Variants in GABRB3 observed in about 807,000 individuals in gnomAD.
The protein encoded by GABRB3 is gamma-aminobutyric acid type A receptor subunit beta3.
In GABRB3, 14 loss-of-function variants were observed where a neutral mutation model predicts 52.1. That is an observed-to-expected ratio of 0.27 (90% CI 0.18 to 0.42). The LOEUF (loss-of-function observed/expected upper bound fraction) is 0.42. Ranked by LOEUF, GABRB3 falls within the 10% of genes least tolerant of loss-of-function variation. GABRB3 has a pLI of 1.00. For synonymous variants in GABRB3, 260 were observed against 232.3 expected, an observed-to-expected ratio of 1.12 and a Z score of -1.08; for missense variants, 307 against 609.1, an observed-to-expected ratio of 0.50 and a Z score of 5.22.
intron 3 of GABRB3, among the ~76,000 whole-genome samples, chr15:26,765,087 G>T (rs1052014609): frequency 7.4e-6 from 1 of 134,750 alleles, no homozygotes; most frequent in Admixed American, 8.5e-5. Flanking sequence ...CCGACATCAC[G>T]CCACTGCACT....
intron 4 of GABRB3, among the ~76,000 whole-genome samples, chr15:26,598,410 C>G (rs1891471837): frequency 6.6e-6 from 1 of 152,042 alleles, no homozygotes. Flanking sequence ...CAGACTACAC[C>G]TTCACCCCTC....
At chr15:26,674,937 A>T (rs1048284559) in intron 3 of GABRB3, among the ~76,000 whole-genome samples, 3 of 152,198 alleles carry the variant, frequency 2.0e-5, no homozygotes, top group African/African-American at 7.2e-5. Context: ...CAAGGTAATA[A>T]CATATCAAAT....
intron 3 of GABRB3, among the ~76,000 whole-genome samples, chr15:26,727,265 A>G (rs552967514): frequency 6.6e-6 from 1 of 152,272 alleles, no homozygotes; most frequent in African/African-American, 2.4e-5. Context: ...AATTCCATCA[A>G]CCTCTACAGT....
At chr15:26,611,962 C>T (rs1437920446) in intron 4 of GABRB3, 1 of 152,184 alleles carries the variant, frequency 6.6e-6, no homozygotes, top group African/African-American at 2.4e-5. Flanking sequence ...TCACACTGTA[C>T]TTGCTCCTCT....
rs570468160 is a variant in GABRB3 at position 26,608,365 on chromosome 15, CAT to C, written c.461+12947_461+12948del. Among the ~76,000 whole-genome samples, 809 of 151,960 alleles carry C rather than the reference CAT, an allele frequency of 5.3e-3. 5 individuals are homozygous for C. The highest frequency in any genetic ancestry group is 0.018 in the African/African-American group (752 of 41,486). Reference sequence around the variant, plus strand: ...CAACTGTTAAATTACTAAAAGAAAACATAGGGGGAAAACTACATGACATTATG... The same window carrying C: ...CAACTGTTAAATTACTAAAAGAAAACAGGGGGAAAACTACATGACATTATG... On this transcript the variant is annotated intron_variant, in intron 4 of 8. Transcript: ENST00000311550.
At chr15:26,563,021 G>A (rs1890045468) in intron 7 of GABRB3, among the ~76,000 whole-genome samples, 1 of 152,182 alleles carries the variant, frequency 6.6e-6, no homozygotes, top group African/African-American at 2.4e-5. Context: ...CCACATAAAT[G>A]CTACAAAATT....
chr15:26,727,523 C>A (rs2140146579), intron 3 of GABRB3, among the ~76,000 whole-genome samples: 1 of 152,272 alleles, frequency 6.6e-6, no homozygotes, highest in East Asian at 1.9e-4. Flanking sequence ...TTCTTACTTT[C>A]TGATACTAAA....
At chr15:26,549,273 G>C (rs1485591391) in intron 8 of GABRB3, among the ~76,000 whole-genome samples, 1 of 152,184 alleles carries the variant, frequency 6.6e-6, no homozygotes, top group Admixed American at 6.5e-5. Flanking sequence ...GAGGTGGTGA[G>C]AGGAGTCCTG....
At chr15:26,662,394 C>T (rs984709129) in intron 3 of GABRB3, among the ~76,000 whole-genome samples, 1 of 152,180 alleles carries the variant, frequency 6.6e-6, no homozygotes, top group Non-Finnish European at 1.5e-5. Flanking sequence ...CCCTCCCTTC[C>T]ATAGACACAT....
At chr15:26,664,996 T>C (rs1214725606) in intron 3 of GABRB3, among the ~76,000 whole-genome samples, 3 of 152,128 alleles carry the variant, frequency 2.0e-5, no homozygotes, top group Non-Finnish European at 4.4e-5. Context: ...GCCCTTATCA[T>C]TTCTTTGGGT....
chr15:26,603,288 C>T (rs1891654844), intron 4 of GABRB3, among the ~76,000 whole-genome samples: 1 of 151,920 alleles, frequency 6.6e-6, no homozygotes, highest in Admixed American at 6.6e-5. Flanking sequence ...TAAAGAAAAG[C>T]CTGGGACCCA....
At chr15:26,663,061 G>T (rs192673115) in intron 3 of GABRB3, among the ~76,000 whole-genome samples, 14 of 144,184 alleles carry the variant, frequency 9.7e-5, no homozygotes, top group African/African-American at 3.8e-4. Context: ...AGATGTAAAC[G>T]TGTGTGTGTG....
chr15:26,769,555 G>C (rs1170343499), intron 3 of GABRB3, among the ~76,000 whole-genome samples: 1 of 152,016 alleles, frequency 6.6e-6, no homozygotes, highest in Non-Finnish European at 1.5e-5. Flanking sequence ...TTCCAACTTC[G>C]TCTCTGGAAT....
chr15:26,588,769 C>T (rs114809853), intron 4 of GABRB3, among the ~76,000 whole-genome samples: 2 of 151,980 alleles, frequency 1.3e-5, no homozygotes, highest in East Asian at 1.9e-4. Flanking sequence ...GAGTAAATGC[C>T]GAAAATAAAT....
At chr15:26,651,568 T>G (rs771871635) in intron 3 of GABRB3, among the ~76,000 whole-genome samples, 1 of 152,208 alleles carries the variant, frequency 6.6e-6, no homozygotes, top group Admixed American at 6.5e-5. Flanking sequence ...GCTAAGATAA[T>G]GCTAAGAAGA....
chr15:26,773,609 C>A, upstream of GABRB3: 1 of 1,521,108 alleles, frequency 6.6e-7, no homozygotes, highest in Non-Finnish European at 8.9e-7. Flanking sequence ...CGCCTCCCGA[C>A]GGTGCCTGCA....
intron 6 of GABRB3, among the ~76,000 whole-genome samples, chr15:26,575,486 C>T (rs1890563137): frequency 6.6e-6 from 1 of 152,078 alleles, no homozygotes; most frequent in African/African-American, 2.4e-5. Flanking sequence ...GATGGTAATT[C>T]TTCCTTTTAA....
Position 26,621,277 on chromosome 15 carries a change from T to C in GABRB3, c.461+37A>G, listed in dbSNP as rs778997568. ...TGAGATATTCAACACCCATGCACCA[T>C]GCAACAGCAAAATTGGTCCTGAAGA... On this transcript the variant is annotated intron_variant, in intron 4 of 8. Coordinates refer to ENST00000311550, the MANE Select transcript of GABRB3 (RefSeq NM_000814.6). The surrounding 1 kb of genome is among the most constrained non-coding windows in gnomAD (Gnocchi z 4.1). 4.6e-6 allele frequency: 7 copies of C among 1,530,380 alleles called. No homozygotes were observed. Among genetic ancestry groups the C allele is most frequent in the South Asian group, 4.5e-5 (4 of 89,304 alleles). 94.8% of individuals were successfully genotyped at this position (1,530,380 alleles called of 1,614,324 possible).
intron 3 of GABRB3, among the ~76,000 whole-genome samples, chr15:26,713,623 G>A (rs1889373185): frequency 6.6e-6 from 1 of 152,222 alleles, no homozygotes; most frequent in South Asian, 2.1e-4. Context: ...TGGGAAGAAT[G>A]AATGCCATGG....
Sources: allele counts gnomAD v4.1 joint callset (sites outside exome capture counted in the v4.1 genomes callset), GRCh38; gene constraint gnomAD v4.1.1; non-coding constraint Gnocchi (gnomAD v3.1); transcripts MANE v1.5; gene names NCBI Gene and HGNC (gene_info 2026-07-23, HGNC 2026-07-21).